The following SETBP1 variants were observed in gnomAD, a reference collection of about 807,000 sequenced individuals.
The protein encoded by SETBP1 is SET binding protein 1.
SETBP1 carries 9 observed loss-of-function variants against 101.0 expected under a neutral mutation model. The observed-to-expected ratio is 0.09, with a 90% CI of 0.05 to 0.16. The LOEUF is 0.16. Ranked by LOEUF, SETBP1 falls within the 10% of genes least tolerant of loss-of-function variation. The pLI is 1.00. For synonymous variants in SETBP1, 818 were observed against 788.5 expected (o/e 1.04, Z -0.63); for missense variants, 1,858 against 2,033.8 (o/e 0.91, Z 1.66).
chr18:44,849,614 T>C (rs1050515525), intron 2 of SETBP1, among the ~76,000 whole-genome samples: 7 of 151,896 alleles, frequency 4.6e-5, no homozygotes, highest in Non-Finnish European at 1.0e-4. Flanking sequence ...CTCTCTGAAG[T>C]GTGACTGAGC....
chr18:44,799,373 T>G (rs928759361), intron 2 of SETBP1, among the ~76,000 whole-genome samples: 1 of 151,976 alleles, frequency 6.6e-6, no homozygotes, highest in Non-Finnish European at 1.5e-5. Context: ...AAGTATAGGT[T>G]TTTTTCCGAG....
chr18:44,783,341 C>G (rs1401336289), intron 2 of SETBP1, among the ~76,000 whole-genome samples: 1 of 152,098 alleles, frequency 6.6e-6, no homozygotes, highest in East Asian at 1.9e-4. Context: ...GGATCTTTAT[C>G]CAGGAGGTAT....
chr18:44,907,499 G>A (rs1198059989), intron 3 of SETBP1, among the ~76,000 whole-genome samples: 1 of 152,176 alleles, frequency 6.6e-6, no homozygotes, highest in Non-Finnish European at 1.5e-5. Flanking sequence ...AAATTTCTCT[G>A]TGTTCCTACC....
intron 2 of SETBP1, among the ~76,000 whole-genome samples, chr18:44,748,242 A>T (rs1454823341): frequency 2.6e-5 from 4 of 152,196 alleles, no homozygotes; most frequent in Non-Finnish European, 5.9e-5. Flanking sequence ...GCTCTCAAGG[A>T]TCCTCATGCC....
chr18:44,718,567 A>C lies in SETBP1; in HGVS notation c.486+16735A>C, dbSNP rs1054257425. The stretch of plus-strand genomic sequence containing the variant: ...TTAAACTGCTCTCTTCCTTAGCATA[A>C]CTGAGTCATTCATTCATTTATTCAC... On this transcript the variant is annotated intron_variant, in intron 2 of 5. Transcript: ENST00000649279. 2.6e-5 allele frequency among the ~76,000 whole-genome samples: 4 copies of C among 152,166 alleles called. No individual in the cohort carries two copies. The East Asian group carries it at 5.8e-4, about 22-fold the overall frequency.
intron 2 of SETBP1, among the ~76,000 whole-genome samples, chr18:44,803,135 A>G (rs950649676): frequency 1.3e-5 from 2 of 152,124 alleles, no homozygotes; most frequent in African/African-American, 2.4e-5. Flanking sequence ...GATTGGGGGA[A>G]GGGACATCCT....
chr18:44,985,423 C>T (rs2072210204), intron 4 of SETBP1, among the ~76,000 whole-genome samples: 1 of 152,096 alleles, frequency 6.6e-6, no homozygotes, highest in African/African-American at 2.4e-5. Context: ...TCTTAAGTGG[C>T]CCAGACAACT....
intron 1 of SETBP1, among the ~76,000 whole-genome samples, chr18:44,683,083 G>A (rs2068786549): frequency 6.6e-6 from 1 of 152,162 alleles, no homozygotes; most frequent in Non-Finnish European, 1.5e-5. Context: ...TAAGAAGGGG[G>A]CCACTTCTAG....
chr18:44,936,612 G>T (rs1023896442), intron 3 of SETBP1, among the ~76,000 whole-genome samples: 1 of 152,130 alleles, frequency 6.6e-6, no homozygotes, highest in Non-Finnish European at 1.5e-5. Context: ...CCATAGGAGG[G>T]GGTGCTGGGA....
rs138324509 is a variant in SETBP1, at chr18:44,877,473, T to C, written c.540+8190T>C. On this transcript the variant is annotated intron_variant, in intron 3 of 5. Coordinates refer to ENST00000649279, the MANE Select transcript of SETBP1 (RefSeq NM_015559.3). Reference sequence around the variant, plus strand: ...ATGTGAATATTTGTAATAGGAATAATGTTCACCCTCCAAAAAAAATGGTTC... The same window carrying C: ...ATGTGAATATTTGTAATAGGAATAACGTTCACCCTCCAAAAAAAATGGTTC... The C allele has an allele frequency of 9.0e-5, 64 of 707,228 alleles. No homozygotes were observed. The African/African-American group carries it at 1.2e-3, about 13-fold the overall frequency. The allele number at this position is 707,228 out of a possible 1,614,324, so 43.8% of individuals were successfully genotyped here.
At chr18:44,923,032 A>G (rs2070616939) in intron 3 of SETBP1, among the ~76,000 whole-genome samples, 1 of 152,218 alleles carries the variant, frequency 6.6e-6, no homozygotes, top group Non-Finnish European at 1.5e-5. Context: ...CGCTTGGCTA[A>G]TTGCATCTGC....
intron 2 of SETBP1, among the ~76,000 whole-genome samples, chr18:44,738,459 C>T (rs2070021368): frequency 6.6e-6 from 1 of 152,156 alleles, no homozygotes; most frequent in Non-Finnish European, 1.5e-5. Flanking sequence ...TTCACATTTT[C>T]CATAAATTTA....
intron 2 of SETBP1, among the ~76,000 whole-genome samples, chr18:44,844,609 C>G (rs1417419683): frequency 1.3e-5 from 2 of 152,158 alleles, no homozygotes; most frequent in African/African-American, 4.8e-5. Flanking sequence ...CAAAGCCTCC[C>G]CTCATCATGC....
intron 2 of SETBP1, among the ~76,000 whole-genome samples, chr18:44,826,792 G>T (rs2072249287): frequency 6.6e-6 from 1 of 152,152 alleles, no homozygotes; most frequent in Non-Finnish European, 1.5e-5. Flanking sequence ...ACCAAGGAAT[G>T]ATTCCAACCC....
intron 4 of SETBP1, among the ~76,000 whole-genome samples, chr18:44,995,393 G>A (rs191357413): frequency 8.9e-4 from 135 of 151,970 alleles, no homozygotes; most frequent in African/African-American, 3.0e-3. Flanking sequence ...TGCCCACCTC[G>A]GCCTCCCTAA....
chr18:45,013,583 G>A (rs990043206), intron 4 of SETBP1, among the ~76,000 whole-genome samples: 4 of 152,112 alleles, frequency 2.6e-5, no homozygotes, highest in African/African-American at 7.2e-5. Flanking sequence ...GGGACTACAG[G>A]TGCCTGCCAC....
chr18:44,761,467 A>G (rs2070643373), intron 2 of SETBP1, among the ~76,000 whole-genome samples: 1 of 152,220 alleles, frequency 6.6e-6, no homozygotes, highest in Admixed American at 6.5e-5. Context: ...ATAAAAACTG[A>G]GGGTTAGCAA....
chr18:45,033,572 C>G (rs1454791361), intron 4 of SETBP1, among the ~76,000 whole-genome samples: 2 of 152,188 alleles, frequency 1.3e-5, no homozygotes, highest in African/African-American at 4.8e-5. Flanking sequence ...ACCAACCATC[C>G]CAGTGGTGTC....
At chr18:44,839,468 ATCTCCGGAC>A (rs111918094) in intron 2 of SETBP1, among the ~76,000 whole-genome samples, 8,126 of 132,548 alleles carry the variant, frequency 0.061, 706 homozygotes, top group African/African-American at 0.21. Context: ...CTCTTTGAGC[ATCTCCGGAC>A]TCTCAGCTAT....
Sources: gnomAD v4.1 joint callset for allele counts (sites outside exome capture counted in the v4.1 genomes callset) on GRCh38, gnomAD v4.1.1 for gene constraint, MANE v1.5 for transcripts, NCBI Gene and HGNC (gene_info 2026-07-23, HGNC 2026-07-21) for gene names.